The following NCKAP1 variants were observed in gnomAD, a reference collection of about 807,000 sequenced individuals.
The protein encoded by NCKAP1 is nck-associated protein 1.
A neutral mutation model predicts 151.2 loss-of-function variants in NCKAP1; 21 were observed. The observed-to-expected ratio is 0.14, with a 90% CI of 0.10 to 0.20. The LOEUF (loss-of-function observed/expected upper bound fraction) is 0.20, where lower values mean the gene tolerates loss of function less well. NCKAP1 is among the 10% of genes least tolerant of loss of function. NCKAP1 has a pLI of 1.00. For synonymous variants in NCKAP1, 484 were observed against 451.8 expected, an observed-to-expected ratio of 1.07 and a Z score of -0.90; for missense variants, 933 against 1,352.1, an observed-to-expected ratio of 0.69 and a Z score of 4.86.
chr2:182,909,217 G>A lies in NCKAP1; in HGVS notation c.*16485C>T, dbSNP rs1010157701. On this transcript the variant is annotated 3_prime_UTR_variant, in exon 31 of 31. Coordinates refer to ENST00000361354, the MANE Select transcript of NCKAP1 (RefSeq NM_013436.5). Reference sequence around the variant, plus strand: ...CAATACACATTATATCAAATTTACCGTTTCAACCATTTTTAAGCATACAGT... The same window carrying A: ...CAATACACATTATATCAAATTTACCATTTCAACCATTTTTAAGCATACAGT... The A allele has an allele frequency of 4.6e-5, 7 of 152,076 alleles. No homozygotes were observed. The highest frequency in any genetic ancestry group is 2.1e-4 in the South Asian group (1 of 4,814). The allele number at this position is 152,076 out of a possible 1,614,324, so 9.4% of individuals were successfully genotyped here. A position where few individuals can be genotyped will look rare whatever the true frequency, so the allele number is the denominator to read the frequency against.
chr2:182,939,967 A>C (rs6736252), intron 24 of NCKAP1, among the ~76,000 whole-genome samples: 9,030 of 152,318 alleles, frequency 0.059, 890 homozygotes, highest in African/African-American at 0.21. Context: ...GTCACCATTA[A>C]TTATTATACA....
chr2:182,958,716 A>G (rs570861202), intron 18 of NCKAP1, among the ~76,000 whole-genome samples: 2 of 152,322 alleles, frequency 1.3e-5, no homozygotes, highest in South Asian at 4.1e-4. Context: ...ACCAATAATT[A>G]AAACAAAAAA....
intron 24 of NCKAP1, among the ~76,000 whole-genome samples, chr2:182,937,074 C>T (rs1324932014): frequency 7.4e-6 from 1 of 135,794 alleles, no homozygotes; most frequent in Non-Finnish European, 1.5e-5. Flanking sequence ...AAGATCTCGC[C>T]ACTGCACTCG....
rs1299792280 is a variant in NCKAP1 at position 182,995,728 on chromosome 2, T to C, written c.714A>G (p.Thr238=). 1.2e-6 allele frequency: 2 copies of C among 1,614,038 alleles called. No individual in the cohort carries two copies. The highest frequency in any genetic ancestry group is 1.1e-5 in the South Asian group (1 of 91,084). The part of the protein sequence containing the change: ...QLLSLISAPS[T]MLNPAQSDTM... ...TGTCGGACTGTGCTGGATTAAGCAT[T>C]GTACTAGGTGCACTGATGAGGCTCA... The change falls in exon 7 of 31, where the codon ACA becomes ACG. Residue 238 remains threonine, a synonymous_variant. Coordinates refer to ENST00000361354, the MANE Select transcript of NCKAP1 (RefSeq NM_013436.5).
At chr2:182,992,892 G>T (rs139818959) in intron 8 of NCKAP1, among the ~76,000 whole-genome samples, 1 of 152,030 alleles carries the variant, frequency 6.6e-6, no homozygotes, top group Non-Finnish European at 1.5e-5. Flanking sequence ...TAAAAACTAT[G>T]AGCTTGTATT....
intron 17 of NCKAP1, among the ~76,000 whole-genome samples, chr2:182,964,099 T>C (rs1438259944): frequency 6.6e-6 from 1 of 152,174 alleles, no homozygotes; most frequent in Non-Finnish European, 1.5e-5. Flanking sequence ...AAAATATTTC[T>C]TCTTTAAAGA....
At chr2:183,001,678 C>A (rs1050050175) in intron 6 of NCKAP1, among the ~76,000 whole-genome samples, 1 of 151,822 alleles carries the variant, frequency 6.6e-6, no homozygotes, top group African/African-American at 2.4e-5. Context: ...GAGAACAGAC[C>A]CTCTCAAATA....
intron 2 of NCKAP1, among the ~76,000 whole-genome samples, chr2:183,019,401 C>T (rs2105890857): frequency 6.6e-6 from 1 of 152,066 alleles, no homozygotes; most frequent in South Asian, 2.1e-4. Flanking sequence ...TTTTAACATA[C>T]ACCTGAACAT....
At chr2:182,983,194 C>T (rs1697976865) in intron 11 of NCKAP1, 92 bp downstream of exon 11, 1 of 1,025,216 alleles carries the variant, frequency 9.8e-7, no homozygotes, top group East Asian at 2.6e-5. Flanking sequence ...TTTATGTAGT[C>T]CCTGACTCAA....
intron 23 of NCKAP1, among the ~76,000 whole-genome samples, chr2:182,949,608 C>A (rs546305947): frequency 6.6e-6 from 1 of 152,270 alleles, no homozygotes; most frequent in Non-Finnish European, 1.5e-5. Flanking sequence ...TAGAGACCAG[C>A]TTGGGCAATA....
chr2:183,010,313 C>T (rs572137935), intron 2 of NCKAP1, among the ~76,000 whole-genome samples: 20 of 152,298 alleles, frequency 1.3e-4, no homozygotes, highest in African/African-American at 4.6e-4. Flanking sequence ...ACTGCCCTGA[C>T]GTGCTGTATG....
rs987399309 is a variant in NCKAP1, at chr2:182,910,587, G to T, written c.*15115C>A. On this transcript the variant is annotated 3_prime_UTR_variant, in exon 31 of 31. Coordinates refer to ENST00000361354, the MANE Select transcript of NCKAP1 (RefSeq NM_013436.5). Reference sequence around the variant, plus strand: ...TTCAGGATTCAGAACCTAGATAGATGATGCTGTGAGGGCTGCGGCTGTGCT... The same window carrying T: ...TTCAGGATTCAGAACCTAGATAGATTATGCTGTGAGGGCTGCGGCTGTGCT... The T allele has an allele frequency of 6.6e-6, 1 of 152,232 alleles. No homozygotes were observed. Among genetic ancestry groups the T allele is most frequent in the African/African-American group, 2.4e-5 (1 of 41,430 alleles). 9.4% of individuals were successfully genotyped at this position (152,232 alleles called of 1,614,324 possible).
chr2:183,017,992 G>A (rs1007869696), intron 2 of NCKAP1, among the ~76,000 whole-genome samples: 2 of 152,142 alleles, frequency 1.3e-5, no homozygotes, highest in Admixed American at 6.5e-5. Context: ...GCTCATGCCT[G>A]TAATCCAGCA....
intron 6 of NCKAP1, among the ~76,000 whole-genome samples, chr2:183,000,587 A>G (rs1233457575): frequency 6.6e-6 from 1 of 152,198 alleles, no homozygotes; most frequent in Non-Finnish European, 1.5e-5. Flanking sequence ...AGGAATTCTG[A>G]TACTTCCATC....
intron 2 of NCKAP1, among the ~76,000 whole-genome samples, chr2:183,022,065 G>A (rs1051476763): frequency 1.3e-5 from 2 of 152,070 alleles, no homozygotes; most frequent in African/African-American, 2.4e-5. Flanking sequence ...CAGTTTGCCC[G>A]GCATATCAAG....
chr2:182,978,554 G>A (rs1247440576), intron 14 of NCKAP1, among the ~76,000 whole-genome samples: 1 of 152,078 alleles, frequency 6.6e-6, no homozygotes, highest in Non-Finnish European at 1.5e-5. Context: ...TTATTGGTAT[G>A]CTTGGACCAA....
intron 8 of NCKAP1, 123 bp from the exon 9 acceptor site, chr2:182,989,309 A>C (rs1187690575): frequency 1.5e-6 from 1 of 676,826 alleles, no homozygotes; most frequent in Non-Finnish European, 2.5e-6. Context: ...CTTCTGAGTG[A>C]CAGTAACAAT....
At chr2:183,015,856 T>A in intron 2 of NCKAP1, among the ~76,000 whole-genome samples, 2 of 141,472 alleles carry the variant, frequency 1.4e-5, no homozygotes, top group Admixed American at 7.0e-5. Flanking sequence ...GACAAATGGA[T>A]AAATAACCAA....
intron 1 of NCKAP1, among the ~76,000 whole-genome samples, chr2:183,027,737 C>T (rs1698925555): frequency 1.3e-5 from 2 of 152,048 alleles, no homozygotes; most frequent in African/African-American, 4.8e-5. Context: ...CATACTAAAA[C>T]AGTATAGAAA....
Sources: gnomAD v4.1 joint callset for allele counts (sites outside exome capture counted in the v4.1 genomes callset) on GRCh38, gnomAD v4.1.1 for gene constraint, MANE v1.5 for transcripts, NCBI Gene and HGNC (gene_info 2026-07-23, HGNC 2026-07-21) for gene names.